The following DHRSX variants were observed in gnomAD, a reference collection of about 807,000 sequenced individuals.
DHRSX encodes the protein dehydrogenase/reductase X-linked.
Under a neutral mutation model 34.0 loss-of-function variants are expected in DHRSX, and 31 were observed. The ratio of observed to expected loss-of-function variants is 0.91; its 90% confidence interval spans 0.69 to 1.23. DHRSX has a LOEUF of 1.23. Among genes scored for constraint, DHRSX ranks in the 50% most tolerant of loss-of-function variants. The probability of loss-of-function intolerance (pLI) is 0.00; values close to 1 mark genes in which losing one functional copy is unlikely to be tolerated. For synonymous variants in DHRSX, 201 were observed against 183.8 expected (o/e 1.09, Z -0.76); for missense variants, 414 against 428.1 (o/e 0.97, Z 0.29).
At chrX:2,408,170 G>T (rs6642069) in intron 3 of DHRSX, among the ~76,000 whole-genome samples, 35,432 of 150,938 alleles carry the variant, frequency 0.23, 4,925 homozygotes, top group East Asian at 0.48. Context: ...GGCAGTCCCA[G>T]ATTCAAGCGA....
intron 3 of DHRSX, among the ~76,000 whole-genome samples, chrX:2,407,280 C>A (rs1298916851): frequency 6.6e-6 from 1 of 152,122 alleles, no homozygotes; most frequent in Non-Finnish European, 1.5e-5. Flanking sequence ...CCAGTGAAAG[C>A]GTGGGCTAGG....
chrX:2,447,351 G>A (rs2044151949), intron 1 of DHRSX, among the ~76,000 whole-genome samples: 1 of 151,974 alleles, frequency 6.6e-6, no homozygotes, highest in Non-Finnish European at 1.5e-5. Context: ...ACACACTGAA[G>A]ATGTTCCCAA....
At chrX:2,492,577 T>A (rs1009692141) in intron 1 of DHRSX, among the ~76,000 whole-genome samples, 1 of 151,712 alleles carries the variant, frequency 6.6e-6, no homozygotes, top group Non-Finnish European at 1.5e-5. Flanking sequence ...GGAGATGAGA[T>A]CATCCGGGAT....
intron 3 of DHRSX, among the ~76,000 whole-genome samples, chrX:2,338,259 G>A (rs2042594939): frequency 1.3e-5 from 2 of 151,830 alleles, no homozygotes; most frequent in Non-Finnish European, 2.9e-5. Context: ...CTTGAACCTG[G>A]GAGATGAAGG....
At chrX:2,258,666 G>A (rs776326347) in intron 5 of DHRSX, among the ~76,000 whole-genome samples, 6 of 152,278 alleles carry the variant, frequency 3.9e-5, no homozygotes, top group Admixed American at 6.5e-5. Flanking sequence ...CACTAGGTCC[G>A]TGGTATTTTA....
intron 1 of DHRSX, among the ~76,000 whole-genome samples, chrX:2,432,759 C>T (rs1169239432): frequency 5.9e-5 from 9 of 152,136 alleles, no homozygotes; most frequent in Non-Finnish European, 1.3e-4. Context: ...TTAACCTCCA[C>T]AGAAAGAAAA....
chrX:2,418,801 G>C (rs925345248), intron 2 of DHRSX, among the ~76,000 whole-genome samples: 1 of 152,174 alleles, frequency 6.6e-6, no homozygotes, highest in Non-Finnish European at 1.5e-5. Context: ...CTGAGATATA[G>C]AAAGTCCTGG....
intron 1 of DHRSX, among the ~76,000 whole-genome samples, chrX:2,429,462 T>C (rs764045357): frequency 0.15 from 23,182 of 151,824 alleles, 1,943 homozygotes; most frequent in Middle Eastern, 0.28. Context: ...TTTTTTTTTT[T>C]TTTGAGCTGG....
intron 1 of DHRSX, among the ~76,000 whole-genome samples, chrX:2,474,132 G>GGACACA (rs2124019126): frequency 6.6e-6 from 1 of 151,572 alleles, no homozygotes; most frequent in South Asian, 2.1e-4. Flanking sequence ...AGGGTGGAAA[G>GGACACA]GACACAGACA....
chrX:2,368,334 A>C (rs1211337428), intron 3 of DHRSX, among the ~76,000 whole-genome samples: 3 of 152,158 alleles, frequency 2.0e-5, no homozygotes, highest in Non-Finnish European at 4.4e-5. Context: ...GGGGTACCCA[A>C]GTCACATACG....
intron 1 of DHRSX, chrX:2,500,296 C>A: frequency 5.4e-6 from 1 of 184,456 alleles, no homozygotes; most frequent in Non-Finnish European, 1.2e-5. Flanking sequence ...CGGAGAAGGG[C>A]CCATCCTCAC....
intron 1 of DHRSX, among the ~76,000 whole-genome samples, chrX:2,441,304 C>G (rs148017912): frequency 0.018 from 2,771 of 152,200 alleles, 95 homozygotes; most frequent in African/African-American, 0.063. Flanking sequence ...CCTGGGTTCT[C>G]CAAGGCAACG....
chrX:2,452,229 G>A, intron 1 of DHRSX, among the ~76,000 whole-genome samples: 1 of 151,742 alleles, frequency 6.6e-6, no homozygotes, highest in East Asian at 1.9e-4. Flanking sequence ...GTGGCCAAGG[G>A]ACTGCTGCCA....
At chrX:2,494,464 C>T (rs1462861089) in intron 1 of DHRSX, among the ~76,000 whole-genome samples, 1 of 151,506 alleles carries the variant, frequency 6.6e-6, no homozygotes, top group Non-Finnish European at 1.5e-5. Context: ...TATTTTATTA[C>T]TATTTGGCTG....
chrX:2,410,100 C>A lies in DHRSX; in HGVS notation c.218-1287G>T, dbSNP rs1407865894. Among the ~76,000 whole-genome samples the A allele has an allele frequency of 2.0e-5, 3 of 152,116 alleles. No individual in the cohort carries two copies. In the East Asian group the frequency reaches 5.8e-4, roughly 29 times the overall value. Reference sequence around the variant, plus strand: ...GACTATAGTTTGATGTTGTCTTCGTCATTTTTTCAAATGTCTTTGACCCGG... The same window carrying A: ...GACTATAGTTTGATGTTGTCTTCGTAATTTTTTCAAATGTCTTTGACCCGG... On this transcript the variant is annotated intron_variant, in intron 2 of 6. Coordinates refer to ENST00000334651, the MANE Select transcript of DHRSX (RefSeq NM_145177.3).
intron 4 of DHRSX, among the ~76,000 whole-genome samples, chrX:2,276,364 C>T (rs1010341161): frequency 3.3e-5 from 5 of 152,144 alleles, no homozygotes; most frequent in African/African-American, 4.8e-5. Context: ...TGTCTCTTCG[C>T]CAATTCAAAG....
rs188687308 is a variant in DHRSX, at chrX:2,252,276, G to A, written c.597-9046C>T. Among the ~76,000 whole-genome samples, 1,008 of 152,180 alleles carry A rather than the reference G, an allele frequency of 6.6e-3. 19 individuals carry two copies. The highest frequency in any genetic ancestry group is 0.023 in the African/African-American group (958 of 41,554). The stretch of plus-strand genomic sequence containing the variant: ...TAAAAAGAAATCTAAGAGACTGGAA[G>A]AATTAAGACAGGGAAATTGAGTAGT... On this transcript the variant is annotated intron_variant, in intron 5 of 6. Transcript: ENST00000334651.
intron 2 of DHRSX, among the ~76,000 whole-genome samples, chrX:2,416,318 C>T (rs998717888): frequency 2.4e-4 from 37 of 152,030 alleles, no homozygotes; most frequent in Non-Finnish European, 4.3e-4. Context: ...CATCATAACC[C>T]AACTAAACTT....
At chrX:2,319,642 T>TC (rs2042283943) in intron 3 of DHRSX, among the ~76,000 whole-genome samples, 1 of 152,074 alleles carries the variant, frequency 6.6e-6, no homozygotes, top group Admixed American at 6.6e-5. Context: ...GCATTTTTTT[T>TC]CTAGCTGACT....
Sources: gnomAD v4.1 joint callset for allele counts (sites outside exome capture counted in the v4.1 genomes callset) on GRCh38, gnomAD v4.1.1 for gene constraint, MANE v1.5 for transcripts, NCBI Gene and HGNC (gene_info 2026-07-23, HGNC 2026-07-21) for gene names.